Variants in MFN2 observed in about 807,000 individuals in gnomAD.
The protein encoded by MFN2 is mitofusin-2.
A neutral mutation model predicts 87.5 loss-of-function variants in MFN2; 43 were observed. The observed-to-expected ratio is 0.49, with a 90% confidence interval of 0.38 to 0.63. The LOEUF (loss-of-function observed/expected upper bound fraction) is 0.63, where lower values mean the gene tolerates loss of function less well. Ranked by LOEUF, MFN2 falls within the 30% of genes least tolerant of loss-of-function variation. The pLI is 0.00. For synonymous variants in MFN2, 337 were observed against 359.9 expected (o/e 0.94, Z 0.72); for missense variants, 743 against 972.8 (o/e 0.76, Z 3.14).
Position 12,013,498 on chromosome 1 carries a change from G to C in MFN2, c.*1933G>C, listed in dbSNP as rs1000027922. 2.1e-5 allele frequency: 8 copies of C among 381,864 alleles called. No individual in the cohort carries two copies. The highest frequency in any genetic ancestry group is 3.8e-5 in the Non-Finnish European group (7 of 186,632). The allele number at this position is 381,864 out of a possible 1,614,324, so 23.7% of individuals were successfully genotyped here. ...ATATTGGAAACTAAAATAAAACCTAGTTGGAAATCCTTTGTGAGATCTGTC... is the reference window on the plus strand; with the variant it reads ...ATATTGGAAACTAAAATAAAACCTACTTGGAAATCCTTTGTGAGATCTGTC... On this transcript the variant is annotated 3_prime_UTR_variant, in exon 19 of 19. Transcript: ENST00000235329.
chr1:11,998,655 T>C (rs1031141258), intron 6 of MFN2, 115 bp from the exon 7 acceptor site: 10 of 902,014 alleles, frequency 1.1e-5, no homozygotes, highest in Non-Finnish European at 1.9e-5. Context: ...TTCTCTCCCG[T>C]CCCTGGCTTT....
At position 12,004,051 on chromosome 1, in the gene MFN2, A is replaced by G. The variant is rs1639295881; in HGVS notation, c.1220A>G (p.Gln407Arg). Residue 407 changes from glutamine (Q) to arginine (R), a missense_variant, in exon 12 of 19, where the codon CAG becomes CGG. Transcript: ENST00000235329. This position sits in a 1 kb window ranked among gnomAD's most constrained non-coding sequence, Gnocchi z 4.2. ...GACCGACTGAAATTTATTGACAAAC[A>G]GCTGGAGCTCTTGGCTCAAGACTAT... ...RQDRLKFIDK[Q>R]LELLAQDYKL... 6.2e-7 allele frequency: 1 copy of G among 1,614,222 alleles called. No homozygotes were observed. The highest frequency in any genetic ancestry group is 8.5e-7 in the Non-Finnish European group (1 of 1,180,046).
In MFN2 at chr1:11,980,480, T is replaced by A. The variant is rs902164898; in HGVS notation, c.-154T>A. 3 of 398,056 alleles carry A rather than the reference T, an allele frequency of 7.5e-6. No individual in the cohort carries two copies. Among genetic ancestry groups the A allele is most frequent in the Non-Finnish European group, 1.3e-5 (3 of 225,792 alleles). The allele number at this position is 398,056 out of a possible 1,614,324, so 24.7% of individuals were successfully genotyped here. ...GATGGCCGCCGCGAGGCCGGGAAGG[T>A]GAAGGTGAGAGGGCGAGCAAGCCGG... On this transcript the variant is annotated 5_prime_UTR_variant, in exon 1 of 19. An upstream open reading frame in the 5' UTR loses its in-frame stop. Transcript: ENST00000235329.
At chr1:12,011,364 C>T (rs1313392593) in intron 18 of MFN2, 132 bp from the exon 19 acceptor site, 1 of 942,242 alleles carries the variant, frequency 1.1e-6, no homozygotes, top group Non-Finnish European at 1.7e-6. Flanking sequence ...ATCTGTGAGA[C>T]AGGGATAAAC....
In MFN2 at chr1:12,006,601, C is replaced by A. The variant is rs1280803045; in HGVS notation, c.1780C>A (p.Leu594Ile). ...CATGCCCCCACTGCCACAGGGCTCG[C>A]TCACCCAGGAGGAGTTCATGGTTTC... ...PSMPPLPQGS[L>I]TQEEFMVSMV... is the part of the protein sequence containing the mutation. The change falls in exon 16 of 19, where the codon CTC becomes ATC. Residue 594 changes from leucine to isoleucine, a missense_variant. Physicochemically the swap from Leu to Ile is conservative, Grantham distance 5. Coordinates refer to ENST00000235329, the MANE Select transcript of MFN2 (RefSeq NM_014874.4). 6.2e-7 allele frequency: 1 copy of A among 1,614,254 alleles called. No homozygotes were observed. The highest frequency in any genetic ancestry group is 1.7e-5 in the Admixed American group (1 of 60,032).
Position 12,013,177 on chromosome 1 carries a change from G to A in MFN2, c.*1612G>A, listed in dbSNP as rs1639760666. 2.8e-6 allele frequency: 1 copy of A among 351,492 alleles called. No homozygotes were observed. The highest frequency in any genetic ancestry group is 4.0e-5 in the Admixed American group (1 of 25,004). The allele number at this position is 351,492 out of a possible 1,614,324, so 21.8% of individuals were successfully genotyped here. On this transcript the variant is annotated 3_prime_UTR_variant, in exon 19 of 19. Coordinates refer to ENST00000235329, the MANE Select transcript of MFN2 (RefSeq NM_014874.4). ...AAATCACTGTCACACAATTCCAATG[G>A]ATTTTGTGCTCTTTTTGAAAAAAAA...
intron 14 of MFN2, 51 bp from the exon 15 acceptor site, chr1:12,005,660 G>C: frequency 6.4e-7 from 1 of 1,563,076 alleles, no homozygotes; most frequent in South Asian, 1.1e-5. Context: ...TGGTGCCGCT[G>C]TGGTGCAGGG....
intron 16 of MFN2, 128 bp from the exon 17 acceptor site, chr1:12,006,925 G>C (rs1249884383): frequency 2.2e-6 from 3 of 1,337,554 alleles, no homozygotes; most frequent in Non-Finnish European, 3.2e-6. Flanking sequence ...GACATTGAAA[G>C]AGGAACTCAG....
chr1:12,009,759 C>T (rs1015805638), intron 18 of MFN2, 33 bp downstream of exon 18: 10 of 1,613,728 alleles, frequency 6.2e-6, no homozygotes, highest in Non-Finnish European at 5.9e-6. Flanking sequence ...AAGGTTAGGG[C>T]TCCAGGGTGC....
At chr1:11,983,694 G>A (rs1286907941) in intron 2 of MFN2, among the ~76,000 whole-genome samples, 2 of 152,294 alleles carry the variant, frequency 1.3e-5, no homozygotes, top group South Asian at 2.1e-4. Context: ...TGGAGGAGTA[G>A]GGAGTCAGCA....
At position 11,990,428 on chromosome 1, in the gene MFN2, C is replaced by T. The variant is rs371701844; in HGVS notation, c.175+1085C>T. Among the ~76,000 whole-genome samples, 33 of 152,296 alleles carry T rather than the reference C, an allele frequency of 2.2e-4. 2 individuals are homozygous for T. The East Asian group carries it at 4.2e-3, about 20-fold the overall frequency. ...TTATCAGTGGCTATGGTGTGCCAGC[C>T]GTGTGCCAGGTGCTGGGCATGCAGA... On this transcript the variant is annotated intron_variant, in intron 3 of 18. Coordinates refer to ENST00000235329, the MANE Select transcript of MFN2 (RefSeq NM_014874.4).
At chr1:11,992,504 T>C (rs1447223988) in intron 3 of MFN2, 51 bp from the exon 4 acceptor site, 1 of 1,613,234 alleles carries the variant, frequency 6.2e-7, no homozygotes, top group East Asian at 2.2e-5. Context: ...GACTTGGGAC[T>C]GTGGAACTCC....
intron 8 of MFN2, among the ~76,000 whole-genome samples, chr1:12,000,189 T>G (rs1010719830): frequency 1.3e-5 from 2 of 151,558 alleles, no homozygotes; most frequent in Admixed American, 1.3e-4. Flanking sequence ...TAGGCCAGAG[T>G]CCAAATTATT....
Position 12,004,080 on chromosome 1 carries a change from C to T in MFN2, c.1249C>T (p.Leu417=), listed in dbSNP as rs761432663. 2 of 1,614,158 alleles carry T rather than the reference C, an allele frequency of 1.2e-6. No individual in the cohort carries two copies. The highest frequency in any genetic ancestry group is 2.2e-5 in the South Asian group (2 of 91,076). The change falls in exon 12 of 19, where the codon CTG becomes TTG. Residue 417 remains leucine (L), a synonymous_variant. Coordinates refer to ENST00000235329, the MANE Select transcript of MFN2 (RefSeq NM_014874.4). The surrounding 1 kb of genome is among the most constrained non-coding windows in gnomAD (Gnocchi z 4.2). The part of the protein sequence containing the change: ...QLELLAQDYK[L]RIKQITEEVE... ...GGAGCTCTTGGCTCAAGACTATAAG[C>T]TGCGAATTAAGCAGATTACGGAGGA...
intron 4 of MFN2, 57 bp from the exon 5 acceptor site, chr1:11,996,099 G>T (rs765209920): frequency 1.1e-5 from 18 of 1,611,206 alleles, no homozygotes; most frequent in Non-Finnish European, 1.4e-5. Context: ...TCTGCGTTGT[G>T]AAAGTAATTC....
intron 8 of MFN2, among the ~76,000 whole-genome samples, chr1:12,000,899 C>G (rs1639141549): frequency 6.6e-6 from 1 of 152,188 alleles, no homozygotes. Context: ...CTTTGGCACG[C>G]TCACTGCCAA....
At chr1:11,984,435 G>C (rs1361094493) in intron 2 of MFN2, among the ~76,000 whole-genome samples, 1 of 152,190 alleles carries the variant, frequency 6.6e-6, no homozygotes, top group Non-Finnish European at 1.5e-5. Flanking sequence ...GCTGCCTTTA[G>C]CTCTTACTGT....
rs35911686 is a variant in MFN2, at chr1:11,992,967, C to CTTT, written c.311+287_311+289dup. On this transcript the variant is annotated intron_variant, in intron 4 of 18. Transcript: ENST00000235329. The stretch of plus-strand genomic sequence containing the variant: ...TGCAGGTGCATGCCATCAAGCCTGA[C>CTTT]TTTTTTTTTTTTATTTTCTAATTAA... Among the ~76,000 whole-genome samples the CTTT allele has an allele frequency of 0.078, 11,253 of 143,934 alleles. 662 individuals are homozygous for CTTT. The highest frequency in any genetic ancestry group is 0.14 in the African/African-American group (5,500 of 39,150). The allele number at this position is 143,934 out of a possible 152,430, so 94.4% of individuals were successfully genotyped here. A position where few individuals can be genotyped will look rare whatever the true frequency, so the allele number is the denominator to read the frequency against.
intron 2 of MFN2, among the ~76,000 whole-genome samples, chr1:11,984,096 G>A (rs1638287250): frequency 6.6e-6 from 1 of 152,206 alleles, no homozygotes; most frequent in Non-Finnish European, 1.5e-5. Flanking sequence ...TTCTACTGGT[G>A]TACACGCTGT....
Sources: allele counts gnomAD v4.1 joint callset (sites outside exome capture counted in the v4.1 genomes callset), GRCh38; gene constraint gnomAD v4.1.1; non-coding constraint Gnocchi (gnomAD v3.1); transcripts MANE v1.5; gene names NCBI Gene and HGNC (gene_info 2026-07-23, HGNC 2026-07-21).